Variants in WDPCP observed in about 807,000 individuals in gnomAD.
WDPCP encodes the protein WD repeat-containing and planar cell polarity effector protein fritz homolog.
In WDPCP, 71 loss-of-function variants were observed where a neutral mutation model predicts 93.1. The ratio of observed to expected loss-of-function variants is 0.76; its 90% CI spans 0.63 to 0.93. The LOEUF is 0.93. WDPCP is among the 40% of genes least tolerant of loss of function. The pLI, the probability that WDPCP is intolerant of heterozygous loss-of-function variation, is 0.00. For synonymous variants in WDPCP, 315 were observed against 315.0 expected, an observed-to-expected ratio of 1.00 and a Z score of 0.00; for missense variants, 844 against 887.4, an observed-to-expected ratio of 0.95 and a Z score of 0.62.
At chr2:63,477,574 C>T (rs764061093) in intron 6 of WDPCP, among the ~76,000 whole-genome samples, 4 of 152,084 alleles carry the variant, frequency 2.6e-5, no homozygotes, top group Admixed American at 6.6e-5. Flanking sequence ...CAGAGCAGCA[C>T]GTGGGGACAC....
chr2:63,722,620 G>GCC (rs528468774), intron 2 of WDPCP, among the ~76,000 whole-genome samples: 1 of 121,644 alleles, frequency 8.2e-6, no homozygotes, highest in Non-Finnish European at 1.8e-5. Context: ...GGGGGGGTCA[G>GCC]CCCCCGCCCG....
intron 6 of WDPCP, chr2:63,442,009 T>G (rs143763264): frequency 6.6e-6 from 1 of 152,246 alleles, no homozygotes; most frequent in Non-Finnish European, 1.5e-5. Context: ...TAGAAGTACA[T>G]ACTGGGTAGA....
At chr2:63,530,359 C>T (rs1703731646) in intron 1 of WDPCP, among the ~76,000 whole-genome samples, 2 of 152,196 alleles carry the variant, frequency 1.3e-5, no homozygotes, top group South Asian at 2.1e-4. Context: ...TTTCCTGCTA[C>T]ACACTGCTTT....
At chr2:63,621,004 C>T (rs1306344673) in intron 3 of WDPCP, among the ~76,000 whole-genome samples, 5 of 152,148 alleles carry the variant, frequency 3.3e-5, no homozygotes, top group Admixed American at 6.5e-5. Flanking sequence ...CACCAAAACC[C>T]CATCCGAAGG....
intron 17 of WDPCP, among the ~76,000 whole-genome samples, chr2:63,124,445 C>G (rs1465127003): frequency 6.6e-6 from 1 of 152,168 alleles, no homozygotes; most frequent in African/African-American, 2.4e-5. Flanking sequence ...TTCTGAGCCA[C>G]ACCCTTTTGC....
At chr2:63,672,567 G>GTATA (rs1710359087) in intron 2 of WDPCP, among the ~76,000 whole-genome samples, 1 of 151,818 alleles carries the variant, frequency 6.6e-6, no homozygotes, top group East Asian at 1.9e-4. Context: ...TTTTAAAATT[G>GTATA]TGGTAAAATA....
chr2:63,199,884 C>T (rs1399430658), intron 14 of WDPCP, among the ~76,000 whole-genome samples: 3 of 152,220 alleles, frequency 2.0e-5, no homozygotes, highest in African/African-American at 7.2e-5. Context: ...CACTCAACAG[C>T]AGCTCATGAA....
At chr2:63,338,355 C>G (rs1335313563) in intron 12 of WDPCP, among the ~76,000 whole-genome samples, 1 of 151,568 alleles carries the variant, frequency 6.6e-6, no homozygotes, top group Non-Finnish European at 1.5e-5. Context: ...AGTTTGAGAC[C>G]AGCCTGGCCA....
chr2:63,836,897 C>T, the WDPCP span, among the ~76,000 whole-genome samples: 15 of 152,302 alleles, frequency 9.8e-5, no homozygotes, highest in South Asian at 3.1e-3. Flanking sequence ...ATTAAACATG[C>T]TTGGGAGCCT....
At chr2:63,437,317 G>A (rs932804429) in intron 8 of WDPCP, 104 bp downstream of exon 8, 6 of 1,006,540 alleles carry the variant, frequency 6.0e-6, no homozygotes, top group Non-Finnish European at 8.4e-6. Flanking sequence ...CAGTTTTTCT[G>A]AAATCCAGAA....
intron 2 of WDPCP, among the ~76,000 whole-genome samples, chr2:63,654,506 C>G (rs1425246647): frequency 6.6e-6 from 1 of 152,202 alleles, no homozygotes; most frequent in Non-Finnish European, 1.5e-5. Flanking sequence ...TGGATGCCTT[C>G]TTCCTTCCTC....
In WDPCP at chr2:63,588,418, C is replaced by T. The variant is rs554854243; in HGVS notation, c.-147G>A. The T allele has an allele frequency of 1.1e-6, 1 of 883,014 alleles. No individual in the cohort carries two copies. Among genetic ancestry groups the T allele is most frequent in the Non-Finnish European group, 1.9e-6 (1 of 539,244 alleles). 54.7% of individuals were successfully genotyped at this position (883,014 alleles called of 1,614,324 possible). A position where few individuals can be genotyped will look rare whatever the true frequency, so the allele number is the denominator to read the frequency against. ...GGTGCTACAAAGCAGCCAGGGTGTG[C>T]GTGCGCTCCCGCCTCGTCGCTTAGC... On this transcript the variant is annotated 5_prime_UTR_variant, in exon 1 of 18. Transcript: ENST00000272321.
intron 14 of WDPCP, chr2:63,228,387 C>CTTTTTTTTTTTTTTTTTTTT: frequency 3.6e-5 from 4 of 110,430 alleles, no homozygotes; most frequent in African/African-American, 3.5e-5. Flanking sequence ...TTTTCTTTTT[C>CTTTTTTTTTTTTTTTTTTTT]TTTTTTTTTT....
intron 2 of WDPCP, among the ~76,000 whole-genome samples, chr2:63,765,282 A>C (rs1670120433): frequency 6.6e-6 from 1 of 152,162 alleles, no homozygotes; most frequent in African/African-American, 2.4e-5. Flanking sequence ...AGGGTAGGGA[A>C]GGCAAGAGGG....
At chr2:63,399,802 A>AT (rs1350918413) in intron 10 of WDPCP, among the ~76,000 whole-genome samples, 1 of 152,000 alleles carries the variant, frequency 6.6e-6, no homozygotes, top group Non-Finnish European at 1.5e-5. Context: ...GACTCCAAAC[A>AT]TTTTTTTCTT....
intron 3 of WDPCP, among the ~76,000 whole-genome samples, chr2:63,621,395 C>T (rs954406179): frequency 4.0e-5 from 6 of 151,374 alleles, no homozygotes; most frequent in Admixed American, 1.3e-4. Flanking sequence ...TATCAATAGC[C>T]GAATTGATCA....
chr2:63,176,408 G>A (rs1444169175), intron 14 of WDPCP, among the ~76,000 whole-genome samples: 8 of 151,898 alleles, frequency 5.3e-5, no homozygotes, highest in African/African-American at 1.9e-4. Flanking sequence ...CACAATGCAT[G>A]ACTCATTTAA....
intron 13 of WDPCP, among the ~76,000 whole-genome samples, chr2:63,263,099 T>A (rs925388843): frequency 6.6e-6 from 1 of 152,214 alleles, no homozygotes; most frequent in Admixed American, 6.5e-5. Context: ...TATAATTCCA[T>A]GCCCCTGAGG....
intron 17 of WDPCP, among the ~76,000 whole-genome samples, chr2:63,130,026 A>C (rs930827090): frequency 8.5e-5 from 13 of 152,188 alleles, no homozygotes; most frequent in Non-Finnish European, 1.6e-4. Flanking sequence ...TCATGGATAC[A>C]GAGGGCCAAC....
Sources: gnomAD v4.1 joint callset for allele counts (sites outside exome capture counted in the v4.1 genomes callset) on GRCh38, gnomAD v4.1.1 for gene constraint, MANE v1.5 for transcripts, NCBI Gene and HGNC (gene_info 2026-07-23, HGNC 2026-07-21) for gene names.